The following CNTN4 variants were observed in gnomAD, a reference collection of about 807,000 sequenced individuals.
CNTN4 encodes contactin 4, also known as contactin-4.
CNTN4 carries 77 observed loss-of-function variants against 122.5 expected under a neutral mutation model. The observed-to-expected ratio is 0.63, with a 90% confidence interval of 0.52 to 0.76. The LOEUF is 0.76. Ranked by LOEUF, CNTN4 falls within the 30% of genes least tolerant of loss-of-function variation. CNTN4 has a pLI of 0.00. For missense variants in CNTN4, 1,256 were observed against 1,259.1 expected, an observed-to-expected ratio of 1.00 and a Z score of 0.04; for synonymous variants, 512 against 447.0, an observed-to-expected ratio of 1.15 and a Z score of -1.83.
At chr3:2,753,544 G>C (rs1352109867) in intron 6 of CNTN4, among the ~76,000 whole-genome samples, 1 of 152,316 alleles carries the variant, frequency 6.6e-6, no homozygotes, top group South Asian at 2.1e-4. Flanking sequence ...GGATACAGCA[G>C]TGGGAGAAGG....
intron 2 of CNTN4, among the ~76,000 whole-genome samples, chr3:2,275,919 C>CAAAAAAAAAAAAAA (rs767326367): frequency 9.3e-6 from 1 of 107,058 alleles, no homozygotes; most frequent in Non-Finnish European, 1.8e-5. Flanking sequence ...GACTCTGTCT[C>CAAAAAAAAAAAAAA]AAAAAAAAAA....
intron 13 of CNTN4, among the ~76,000 whole-genome samples, chr3:2,982,149 A>G (rs1049006137): frequency 6.6e-6 from 1 of 152,228 alleles, no homozygotes; most frequent in African/African-American, 2.4e-5. Context: ...CTGTGTATGA[A>G]GAAATGTCAG....
chr3:2,505,057 ATAG>A (rs2076697092), intron 3 of CNTN4, among the ~76,000 whole-genome samples: 1 of 152,198 alleles, frequency 6.6e-6, no homozygotes, highest in South Asian at 2.1e-4. Context: ...CATGTGGTAA[ATAG>A]TAGTTTTGTG....
intron 4 of CNTN4, among the ~76,000 whole-genome samples, chr3:2,600,699 C>G (rs2149739091): frequency 6.6e-6 from 1 of 152,214 alleles, no homozygotes; most frequent in East Asian, 1.9e-4. Flanking sequence ...GATTTATAGT[C>G]CTTTGGGTAT....
intron 14 of CNTN4, among the ~76,000 whole-genome samples, chr3:3,003,807 TAGCATGATCATAGCTC>T (rs917933250): frequency 1.3e-5 from 2 of 151,794 alleles, no homozygotes; most frequent in African/African-American, 4.8e-5. Context: ...TGGAGTGCAG[TAGCATGATCATAGCTC>T]ACTGCAGCCT....
intron 2 of CNTN4, among the ~76,000 whole-genome samples, chr3:2,220,633 T>G (rs1185610406): frequency 6.6e-6 from 1 of 152,104 alleles, no homozygotes; most frequent in Non-Finnish European, 1.5e-5. Flanking sequence ...TCAATTAACT[T>G]TTGAAGCCTC....
chr3:2,278,058 TATGATTTTCTAATGGG>T (rs1172591487), intron 2 of CNTN4, among the ~76,000 whole-genome samples: 1 of 152,126 alleles, frequency 6.6e-6, no homozygotes, highest in Non-Finnish European at 1.5e-5. Context: ...TGGCAACAGA[TATGATTTTCTAATGGG>T]GCACTTCTCA....
At chr3:2,253,884 T>A (rs200846278) in intron 2 of CNTN4, among the ~76,000 whole-genome samples, 12 of 147,638 alleles carry the variant, frequency 8.1e-5, no homozygotes, top group Admixed American at 1.4e-4. Context: ...GATTTTTTTT[T>A]AATTTGTTCT....
chr3:2,929,519 C>T (rs755045837), intron 13 of CNTN4, among the ~76,000 whole-genome samples: 2 of 152,112 alleles, frequency 1.3e-5, no homozygotes, highest in Non-Finnish European at 2.9e-5. Context: ...AAAGGACAAA[C>T]GAGAATTCAT....
At chr3:2,286,235 T>G (rs1236605846) in intron 2 of CNTN4, among the ~76,000 whole-genome samples, 3 of 7,398 alleles carry the variant, frequency 4.1e-4, no homozygotes, top group African/African-American at 4.7e-4. Context: ...ATACACCCCC[T>G]GCCCCCCCCA....
intron 3 of CNTN4, among the ~76,000 whole-genome samples, chr3:2,485,263 C>A (rs2076121751): frequency 1.3e-5 from 2 of 152,338 alleles, no homozygotes; most frequent in South Asian, 4.1e-4. Flanking sequence ...GGTGCCCGGT[C>A]CCATCGACTG....
intron 3 of CNTN4, among the ~76,000 whole-genome samples, chr3:2,471,925 A>G (rs1012369192): frequency 4.6e-5 from 7 of 152,174 alleles, no homozygotes; most frequent in Non-Finnish European, 1.0e-4. Flanking sequence ...TGTGGCACAA[A>G]ATGTGATCTG....
intron 14 of CNTN4, among the ~76,000 whole-genome samples, chr3:3,010,698 C>T (rs1391926): frequency 6.6e-6 from 1 of 151,846 alleles, no homozygotes; most frequent in African/African-American, 2.4e-5. Flanking sequence ...ACGAGGAGGG[C>T]GCTGTGAAAT....
intron 2 of CNTN4, among the ~76,000 whole-genome samples, chr3:2,105,380 A>T (rs186762931): frequency 6.6e-6 from 1 of 152,298 alleles, no homozygotes; most frequent in Admixed American, 6.5e-5. Flanking sequence ...CTATTCTCAC[A>T]CTGCTAGAAA....
At chr3:2,387,554 T>C (rs2150843402) in intron 3 of CNTN4, among the ~76,000 whole-genome samples, 1 of 152,236 alleles carries the variant, frequency 6.6e-6, no homozygotes, top group East Asian at 1.9e-4. Context: ...TACTATTTGG[T>C]TACTTAATAC....
At chr3:2,257,909 A>G (rs1184264519) in intron 2 of CNTN4, among the ~76,000 whole-genome samples, 1 of 152,130 alleles carries the variant, frequency 6.6e-6, no homozygotes, top group Non-Finnish European at 1.5e-5. Context: ...CTAAAAATAC[A>G]AAAATTAGCC....
chr3:2,819,442 G>A (rs1275751536), intron 6 of CNTN4, 44 bp from the exon 7 acceptor site: 47 of 1,434,102 alleles, frequency 3.3e-5, no homozygotes, highest in Non-Finnish European at 4.6e-5. Context: ...TGATATCTTA[G>A]GACTTTAAAG....
Position 2,316,513 on chromosome 3 carries a change from C to T in CNTN4, c.-144-22665C>T, listed in dbSNP as rs1286857552. ...TAAATTAAGGTTTATAAAGAATATT[C>T]GGGCAGTCTTTTTCTTAAGAGAATC... On this transcript the variant is annotated intron_variant, in intron 2 of 24. Coordinates refer to ENST00000418658, the MANE Select transcript of CNTN4 (RefSeq NM_175607.3). 3.9e-5 allele frequency among the ~76,000 whole-genome samples: 6 copies of T among 151,906 alleles called. No individual in the cohort carries two copies. The East Asian group carries it at 7.7e-4, about 20-fold the overall frequency.
At chr3:2,417,594 T>A (rs9873676) in intron 3 of CNTN4, among the ~76,000 whole-genome samples, 5,820 of 152,136 alleles carry the variant, frequency 0.038, 403 homozygotes, top group African/African-American at 0.13. Context: ...AAACTAAACA[T>A]CCTCTTATGA....
Sources: gnomAD v4.1 joint callset for allele counts (sites outside exome capture counted in the v4.1 genomes callset) on GRCh38, gnomAD v4.1.1 for gene constraint, MANE v1.5 for transcripts, NCBI Gene and HGNC (gene_info 2026-07-23, HGNC 2026-07-21) for gene names.